The following CLBA1 variants were observed in gnomAD, a reference collection of about 807,000 sequenced individuals.
The protein encoded by CLBA1 is clathrin binding box of aftiphilin containing 1, also known as uncharacterized protein CLBA1.
CLBA1 carries 30 observed loss-of-function variants against 28.8 expected under a neutral mutation model. The ratio of observed to expected loss-of-function variants is 1.04; its 90% confidence interval spans 0.78 to 1.41. The LOEUF is 1.41. Ranked by LOEUF, CLBA1 falls within the 40% of genes most tolerant of loss-of-function variation. CLBA1 has a pLI of 0.00. For missense variants in CLBA1, 451 were observed against 412.3 expected, an observed-to-expected ratio of 1.09 and a Z score of -0.81; for synonymous variants, 160 against 152.8, an observed-to-expected ratio of 1.05 and a Z score of -0.35.
intron 1 of CLBA1, among the ~76,000 whole-genome samples, chr14:104,987,600 C>CCTTTT: frequency 7.9e-6 from 1 of 126,090 alleles, no homozygotes; most frequent in Admixed American, 9.0e-5. Context: ...GTTTTCTCTT[C>CCTTTT]CTTTTCTTTT....
In CLBA1 at chr14:104,994,909, C is replaced by T. The variant is rs916771313; in HGVS notation, c.*150C>T. The T allele has an allele frequency of 6.5e-6, 9 of 1,393,892 alleles. No homozygotes were observed. The African/African-American group carries it at 1.3e-4, about 21-fold the overall frequency. The allele number at this position is 1,393,892 out of a possible 1,614,324, so 86.3% of individuals were successfully genotyped here. A position where few individuals can be genotyped will look rare whatever the true frequency, so the allele number is the denominator to read the frequency against. ...AACAGGACCTGTCCTGTGTTCTGGG[C>T]TTGTCTCGGGTCTGACCAGGAGATG... is the stretch of plus-strand genomic sequence containing the variant. On this transcript the variant is annotated 3_prime_UTR_variant, in exon 5 of 5. Transcript: ENST00000547315.
chr14:104,989,154 G>GT (rs541393334), intron 2 of CLBA1, 66 bp downstream of exon 2: 1 of 1,530,256 alleles, frequency 6.5e-7, no homozygotes, highest in South Asian at 1.2e-5. Context: ...AAAAGTAGGT[G>GT]TGTGAGGCTT....
At chr14:104,994,294 G>A (rs951773742) in intron 4 of CLBA1, 9 of 985,326 alleles carry the variant, frequency 9.1e-6, no homozygotes, top group Middle Eastern at 5.2e-4. Context: ...GGTAGTGGCA[G>A]CCTCCACCAG....
chr14:104,997,966 G>A (rs143179146), downstream of CLBA1, among the ~76,000 whole-genome samples: 845 of 151,990 alleles, frequency 5.6e-3, 11 homozygotes, highest in African/African-American at 0.019. Context: ...CCGAGATCAC[G>A]CCATTGCACT....
At position 104,994,884 on chromosome 14, in the gene CLBA1, A is replaced by G; in HGVS notation, c.*125A>G. ...CCAGGCCCATTCCTGGGATCTCTCC[A>G]ACAGGACCTGTCCTGTGTTCTGGGC... On this transcript the variant is annotated 3_prime_UTR_variant, in exon 5 of 5. Transcript: ENST00000547315. The G allele has an allele frequency of 3.4e-6, 5 of 1,451,850 alleles. No homozygotes were observed. Among genetic ancestry groups the G allele is most frequent in the Non-Finnish European group, 4.5e-6 (5 of 1,107,414 alleles). The allele number at this position is 1,451,850 out of a possible 1,614,324, so 89.9% of individuals were successfully genotyped here.
chr14:104,986,051 C>T lies in CLBA1; in HGVS notation c.-381C>T, dbSNP rs867303038. On this transcript the variant is annotated 5_prime_UTR_variant, in exon 1 of 5. Transcript: ENST00000547315. ...CCCACTTGGGACTCCCGCGGGCGCC[C>T]GGCTCTCGCTCCTCTGGCCAGCGTG... is the stretch of plus-strand genomic sequence containing the variant. 8 of 258,132 alleles carry T rather than the reference C, an allele frequency of 3.1e-5. No individual in the cohort carries two copies. The highest frequency in any genetic ancestry group is 2.8e-4 in the South Asian group (6 of 21,170). The allele number at this position is 258,132 out of a possible 1,614,324, so 16.0% of individuals were successfully genotyped here.
At position 104,986,116 on chromosome 14, in the gene CLBA1, G is replaced by T. The variant is rs1371536611; in HGVS notation, c.-316G>T. On this transcript the variant is annotated 5_prime_UTR_variant, in exon 1 of 5. Transcript: ENST00000547315. ...CCTCGCGGCTCTCTCCAGAGCAGGAGCCCCACCTTGGGCCGCCCCTCTCAC... is the reference window on the plus strand; with the variant it reads ...CCTCGCGGCTCTCTCCAGAGCAGGATCCCCACCTTGGGCCGCCCCTCTCAC... The T allele has an allele frequency of 9.5e-6, 4 of 419,900 alleles. No homozygotes were observed. The South Asian group carries it at 1.0e-4, about 11-fold the overall frequency. The allele number at this position is 419,900 out of a possible 1,614,324, so 26.0% of individuals were successfully genotyped here.
rs376913748 is a variant in CLBA1 at position 104,988,994 on chromosome 14, G to C, written c.475G>C (p.Val159Leu). The change falls in exon 2 of 5, where the codon GTC (valine) becomes CTC (leucine). Residue 159 changes from valine (V) to leucine (L), a missense_variant. Transcript: ENST00000547315. ...ILKCAFQEIT[V>L]QQAAEDVSTI... is the part of the protein sequence containing the mutation. The stretch of plus-strand genomic sequence containing the variant: ...AAAGTGTGCTTTTCAAGAAATAACA[G>C]TCCAGCAGGCAGCTGAAGACGTTTC... 6.2e-7 allele frequency: 1 copy of C among 1,612,996 alleles called. No individual in the cohort carries two copies. The highest frequency in any genetic ancestry group is 8.5e-7 in the Non-Finnish European group (1 of 1,179,212).
At chr14:104,986,905 A>G (rs1213885203) in intron 1 of CLBA1, 51 bp downstream of exon 1, 2 of 1,581,496 alleles carry the variant, frequency 1.3e-6, no homozygotes, top group East Asian at 2.2e-5. Context: ...TGTACACACC[A>G]AGAGGCCTAC....
rs1899840791 is a variant in CLBA1, at chr14:104,985,909, C to T, written c.-523C>T. ...TGCGGGGACTCTCGGGAGCCGTGGG[C>T]CAGGCGCTTAGCCGGCCACCTCGGG... On this transcript the variant is annotated 5_prime_UTR_variant, in exon 1 of 5. Coordinates refer to ENST00000547315, the MANE Select transcript of CLBA1 (RefSeq NM_174891.4). 1.5e-5 allele frequency: 2 copies of T among 130,594 alleles called. No individual in the cohort carries two copies. The highest frequency in any genetic ancestry group is 9.3e-5 in the Admixed American group (1 of 10,806). The allele number at this position is 130,594 out of a possible 1,614,324, so 8.1% of individuals were successfully genotyped here.
Position 104,995,259 on chromosome 14 carries a change from T to C in CLBA1, c.*500T>C, listed in dbSNP as rs1566934508. The C allele has an allele frequency of 1.0e-6, 1 of 986,002 alleles. No individual in the cohort carries two copies. The highest frequency in any genetic ancestry group is 1.2e-6 in the Non-Finnish European group (1 of 830,476). The allele number at this position is 986,002 out of a possible 1,614,324, so 61.1% of individuals were successfully genotyped here. ...CTGTGTGGTCAGGGCACCATGAGGG[T>C]GTACAGATGTGCTGTGTCCTCAGAG... On this transcript the variant is annotated 3_prime_UTR_variant, in exon 5 of 5. Coordinates refer to ENST00000547315, the MANE Select transcript of CLBA1 (RefSeq NM_174891.4).
At chr14:104,994,050 C>T (rs984391382) in intron 4 of CLBA1, 9 of 984,816 alleles carry the variant, frequency 9.1e-6, no homozygotes, top group African/African-American at 1.7e-5. Context: ...AGGTGACAGG[C>T]GACAGGTGCC....
rs1900037766 is a variant in CLBA1 at position 104,991,954 on chromosome 14, CCACGCACACGCCGCCA to C, written c.699+338_699+353del. On this transcript the variant is annotated intron_variant, in intron 3 of 4. Transcript: ENST00000547315. ...CGCACATGCCACCACGCACACGCCGCCACGCACACGCCGCCACACACACGCCTCACACGCCGCCATG... is the reference window on the plus strand; with the variant it reads ...CGCACATGCCACCACGCACACGCCGCCACACACGCCTCACACGCCGCCATG... Among the ~76,000 whole-genome samples, 6 of 151,920 alleles carry C rather than the reference CCACGCACACGCCGCCA, an allele frequency of 3.9e-5. No homozygotes were observed. In the South Asian group the frequency reaches 1.2e-3, roughly 32 times the overall value.
rs1047033005 is a variant in CLBA1, at chr14:104,985,957, C to T, written c.-475C>T. ...GGGCCCTGTCCAGGCCCAGGCGTTC[C>T]AGGGCTGCTCTGCGGGCCGCGTGCG... On this transcript the variant is annotated 5_prime_UTR_variant, in exon 1 of 5. Coordinates refer to ENST00000547315, the MANE Select transcript of CLBA1 (RefSeq NM_174891.4). 3 of 212,414 alleles carry T rather than the reference C, an allele frequency of 1.4e-5. No individual in the cohort carries two copies. Among genetic ancestry groups the T allele is most frequent in the South Asian group, 6.0e-5 (1 of 16,652 alleles). 13.2% of individuals were successfully genotyped at this position (212,414 alleles called of 1,614,324 possible). A position where few individuals can be genotyped will look rare whatever the true frequency, so the allele number is the denominator to read the frequency against.
downstream of CLBA1, chr14:104,999,124 C>A: frequency 1.3e-6 from 1 of 773,728 alleles, no homozygotes; most frequent in Non-Finnish European, 1.6e-6. Flanking sequence ...CAGCTTTCCT[C>A]TGCCTGCTCC....
In CLBA1 at chr14:104,994,878, C is replaced by G. The variant is rs563594310; in HGVS notation, c.*119C>G. The G allele has an allele frequency of 3.8e-5, 55 of 1,461,258 alleles. No homozygotes were observed. Among genetic ancestry groups the G allele is most frequent in the Middle Eastern group, 4.8e-4 (2 of 4,172 alleles). The allele number at this position is 1,461,258 out of a possible 1,614,324, so 90.5% of individuals were successfully genotyped here. On this transcript the variant is annotated 3_prime_UTR_variant, in exon 5 of 5. Coordinates refer to ENST00000547315, the MANE Select transcript of CLBA1 (RefSeq NM_174891.4). ...CAGACCCCAGGCCCATTCCTGGGAT[C>G]TCTCCAACAGGACCTGTCCTGTGTT... is the stretch of plus-strand genomic sequence containing the variant.
chr14:104,995,001 G>A lies in CLBA1; in HGVS notation c.*242G>A. 1 of 1,173,328 alleles carries A rather than the reference G, an allele frequency of 8.5e-7. No individual in the cohort carries two copies. The highest frequency in any genetic ancestry group is 1.1e-6 in the Non-Finnish European group (1 of 947,822). The allele number at this position is 1,173,328 out of a possible 1,614,324, so 72.7% of individuals were successfully genotyped here. A position where few individuals can be genotyped will look rare whatever the true frequency, so the allele number is the denominator to read the frequency against. Reference sequence around the variant, plus strand: ...CTGGATGCCATGACAGGCTGTCGGGGTCCAGGTGGCACTCATGGGCCCCCT... The same window carrying A: ...CTGGATGCCATGACAGGCTGTCGGGATCCAGGTGGCACTCATGGGCCCCCT... On this transcript the variant is annotated 3_prime_UTR_variant, in exon 5 of 5. Transcript: ENST00000547315.
At chr14:104,994,173 C>G in intron 4 of CLBA1, 4 of 985,410 alleles carry the variant, frequency 4.1e-6, no homozygotes, top group Non-Finnish European at 4.8e-6. Context: ...AAGAAATGTT[C>G]GTGGCTGTGT....
rs1899873729 is a variant in CLBA1, at chr14:104,986,685, G to A, written c.254G>A (p.Arg85Gln). 4.3e-6 allele frequency: 7 copies of A among 1,613,842 alleles called. No individual in the cohort carries two copies. Among genetic ancestry groups the A allele is most frequent in the Non-Finnish European group, 5.1e-6 (6 of 1,180,010 alleles). ...ACTTGGGGGGAGTTTGAAGGCTTTC[G>A]GGAATCTTCAGCCAAGTCTGGACAA... is the stretch of plus-strand genomic sequence containing the variant. ...SSTWGEFEGF[R>Q]ESSAKSGQFS... The change falls in exon 1 of 5, where the codon CGG (arginine) becomes CAG (glutamine). Residue 85 changes from arginine to glutamine, a missense_variant. Transcript: ENST00000547315.
Sources: allele counts gnomAD v4.1 joint callset (sites outside exome capture counted in the v4.1 genomes callset), GRCh38; gene constraint gnomAD v4.1.1; transcripts MANE v1.5; gene names NCBI Gene and HGNC (gene_info 2026-07-23, HGNC 2026-07-21).